Variants in CNTN5 observed in about 807,000 individuals in gnomAD.
CNTN5 encodes the protein contactin 5.
CNTN5 carries 77 observed loss-of-function variants against 129.1 expected under a neutral mutation model. The observed-to-expected ratio is 0.60, with a 90% CI of 0.50 to 0.72. The LOEUF (loss-of-function observed/expected upper bound fraction) is 0.72, where lower values mean the gene tolerates loss of function less well. Among genes scored for constraint, CNTN5 ranks in the 30% least tolerant of loss-of-function variants. CNTN5 has a pLI of 0.00. For missense variants in CNTN5, 1,478 were observed against 1,328.8 expected, an observed-to-expected ratio of 1.11 and a Z score of -1.75; for synonymous variants, 509 against 465.6, an observed-to-expected ratio of 1.09 and a Z score of -1.20.
intron 1 of CNTN5, among the ~76,000 whole-genome samples, chr11:99,322,072 T>C (rs1440500796): frequency 6.6e-6 from 1 of 152,170 alleles, no homozygotes; most frequent in Non-Finnish European, 1.5e-5. Flanking sequence ...TCCCCAGTTG[T>C]ATTAGTTTTC....
chr11:99,771,921 A>G (rs1944959727), intron 3 of CNTN5, among the ~76,000 whole-genome samples: 1 of 151,950 alleles, frequency 6.6e-6, no homozygotes, highest in African/African-American at 2.4e-5. Context: ...TATATACACA[A>G]ATTTTATACA....
intron 3 of CNTN5, among the ~76,000 whole-genome samples, chr11:99,770,182 A>G (rs1944896918): frequency 6.6e-6 from 1 of 152,004 alleles, no homozygotes; most frequent in African/African-American, 2.4e-5. Flanking sequence ...AGTTAGTTTA[A>G]TTTGCTTATA....
chr11:99,710,568 T>TGC (rs1491287066), intron 3 of CNTN5, among the ~76,000 whole-genome samples: 11 of 27,334 alleles, frequency 4.0e-4, no homozygotes, highest in African/African-American at 2.1e-3. Context: ...TGTGTGTGCA[T>TGC]GTGTGTGTGT....
chr11:99,907,063 A>G (rs1350371235), intron 6 of CNTN5, among the ~76,000 whole-genome samples: 1 of 151,844 alleles, frequency 6.6e-6, no homozygotes, highest in Non-Finnish European at 1.5e-5. Flanking sequence ...AATCTTTTCA[A>G]AAAAACAGCT....
chr11:99,227,217 A>T (rs553345760), intron 1 of CNTN5, among the ~76,000 whole-genome samples: 1 of 152,032 alleles, frequency 6.6e-6, no homozygotes, highest in South Asian at 2.1e-4. Flanking sequence ...AAAATTAGCC[A>T]GGTGTGGTGG....
chr11:100,168,461 A>C (rs1159667986), intron 13 of CNTN5, among the ~76,000 whole-genome samples: 2 of 152,080 alleles, frequency 1.3e-5, no homozygotes, highest in Non-Finnish European at 2.9e-5. Context: ...AATTATGCTA[A>C]ATCTACTCTG....
At chr11:99,752,504 A>T (rs1358644165) in intron 3 of CNTN5, among the ~76,000 whole-genome samples, 2 of 152,264 alleles carry the variant, frequency 1.3e-5, no homozygotes, top group Non-Finnish European at 2.9e-5. Context: ...TAATTATTTA[A>T]AGAGGAAAAT....
At chr11:99,051,332 C>A (rs1864418045) in intron 1 of CNTN5, among the ~76,000 whole-genome samples, 1 of 151,878 alleles carries the variant, frequency 6.6e-6, no homozygotes, top group Admixed American at 6.6e-5. Context: ...ATAACTGAAT[C>A]GTTAATGCCA....
At chr11:99,050,344 T>G (rs953787064) in intron 1 of CNTN5, among the ~76,000 whole-genome samples, 2 of 151,960 alleles carry the variant, frequency 1.3e-5, no homozygotes, top group African/African-American at 4.8e-5. Context: ...AAAAAAGAAG[T>G]GCAAAAGAAA....
chr11:100,149,523 T>A (rs1946976523), intron 13 of CNTN5, among the ~76,000 whole-genome samples: 1 of 152,170 alleles, frequency 6.6e-6, no homozygotes, highest in Non-Finnish European at 1.5e-5. Flanking sequence ...AAATTATATT[T>A]ATTGAATTAT....
chr11:99,287,701 A>T (rs1016161995), intron 1 of CNTN5, among the ~76,000 whole-genome samples: 2 of 152,020 alleles, frequency 1.3e-5, no homozygotes, highest in Admixed American at 1.3e-4. Context: ...TGTTATGCAT[A>T]CGATTAGGAG....
chr11:99,496,721 A>G (rs982623075), intron 2 of CNTN5, among the ~76,000 whole-genome samples: 23 of 152,230 alleles, frequency 1.5e-4, no homozygotes, highest in African/African-American at 5.3e-4. Context: ...TGAAAGATGC[A>G]TAGCAATCTC....
chr11:99,829,246 A>G (rs1015188070), intron 4 of CNTN5, among the ~76,000 whole-genome samples: 2 of 152,196 alleles, frequency 1.3e-5, no homozygotes, highest in Admixed American at 6.5e-5. Flanking sequence ...ATAATTTGCT[A>G]TACATATGTC....
chr11:99,864,188 T>C (rs186549905), intron 6 of CNTN5, among the ~76,000 whole-genome samples: 7 of 152,284 alleles, frequency 4.6e-5, no homozygotes, highest in East Asian at 3.9e-4. Flanking sequence ...TAGTCACTTA[T>C]ATACTTGTTT....
intron 2 of CNTN5, among the ~76,000 whole-genome samples, chr11:99,498,313 T>C (rs961582274): frequency 1.3e-5 from 2 of 152,188 alleles, no homozygotes; most frequent in Admixed American, 1.3e-4. Context: ...TGTCATTTGT[T>C]GCTATAGTTT....
intron 9 of CNTN5, among the ~76,000 whole-genome samples, chr11:100,031,378 T>G (rs1591087210): frequency 6.6e-6 from 1 of 151,232 alleles, no homozygotes; most frequent in African/African-American, 2.4e-5. Context: ...GTCAGGGAGG[T>G]TTCACATCAC....
chr11:100,291,023 G>A (rs1182700450), intron 18 of CNTN5, among the ~76,000 whole-genome samples: 1 of 148,864 alleles, frequency 6.7e-6, no homozygotes, highest in East Asian at 2.0e-4. Context: ...ATCATCACTG[G>A]CCATCAGAGA....
At chr11:99,895,361 G>A (rs1414607134) in intron 6 of CNTN5, among the ~76,000 whole-genome samples, 1 of 152,186 alleles carries the variant, frequency 6.6e-6, no homozygotes, top group South Asian at 2.1e-4. Context: ...CCTATCTGGT[G>A]GCAAATGTCA....
chr11:99,372,531 G>A (rs1939886104), intron 2 of CNTN5, among the ~76,000 whole-genome samples: 1 of 152,054 alleles, frequency 6.6e-6, no homozygotes, highest in African/African-American at 2.4e-5. Context: ...TTGGAGAGGG[G>A]AAAATCTGGG....
Sources: allele counts gnomAD v4.1 joint callset (sites outside exome capture counted in the v4.1 genomes callset), GRCh38; gene constraint gnomAD v4.1.1; transcripts MANE v1.5; gene names NCBI Gene and HGNC (gene_info 2026-07-23, HGNC 2026-07-21).